Variants in NTRK3 observed in about 807,000 individuals in gnomAD.
NTRK3 encodes neurotrophic receptor tyrosine kinase 3, also known as NT-3 growth factor receptor.
In NTRK3, 24 loss-of-function variants were observed where a neutral mutation model predicts 91.7. That is an observed-to-expected ratio of 0.26 (90% CI 0.19 to 0.37). The LOEUF is 0.37. Among genes scored for constraint, NTRK3 ranks in the 10% least tolerant of loss-of-function variants. NTRK3 has a pLI of 1.00. For missense variants in NTRK3, 880 were observed against 1,068.9 expected (o/e 0.82, Z 2.46); for synonymous variants, 483 against 404.0 (o/e 1.20, Z -2.34).
intron 14 of NTRK3, among the ~76,000 whole-genome samples, chr15:88,010,120 G>C (rs1003699355): frequency 2.0e-5 from 3 of 152,110 alleles, no homozygotes; most frequent in African/African-American, 7.2e-5. Flanking sequence ...GCCCCCTCTA[G>C]ATCCCAGCAA....
intron 14 of NTRK3, among the ~76,000 whole-genome samples, chr15:87,954,777 A>C (rs2071495889): frequency 6.6e-6 from 1 of 152,204 alleles, no homozygotes; most frequent in Non-Finnish European, 1.5e-5. Context: ...TGCTGTCTAC[A>C]CTGTTTTCAT....
intron 18 of NTRK3, 37 bp downstream of exon 19, chr15:87,880,233 C>G (rs565935309): frequency 2.5e-6 from 4 of 1,613,360 alleles, no homozygotes; most frequent in Non-Finnish European, 3.4e-6. Flanking sequence ...CTTATGAGCC[C>G]TCCCCCAATC....
rs1032814800 is a variant in NTRK3 at position 88,112,058 on chromosome 15, C to T, written c.1396+14213G>A. Among the ~76,000 whole-genome samples the T allele has an allele frequency of 1.8e-4, 27 of 152,082 alleles. 1 individual carries two copies. Among genetic ancestry groups the T allele is most frequent in the Non-Finnish European group, 2.9e-4 (20 of 68,018 alleles). ...AGTAGCTGGGACTACAGGCACCCGC[C>T]ACCACGCCCAGCTAATTTTTTGTAT... is the stretch of plus-strand genomic sequence containing the variant. On this transcript the variant is annotated intron_variant, in intron 13 of 18. Transcript: ENST00000394480.
At chr15:88,038,720 A>T (rs2079300975) in intron 13 of NTRK3, among the ~76,000 whole-genome samples, 1 of 152,190 alleles carries the variant, frequency 6.6e-6, no homozygotes, top group Non-Finnish European at 1.5e-5. Flanking sequence ...TCTAAAAGAC[A>T]AAAATTTTAA....
At chr15:88,135,474 T>C (rs2041785275) in intron 9 of NTRK3, 77 bp from the exon 10 acceptor site, 1 of 1,511,120 alleles carries the variant, frequency 6.6e-7, no homozygotes, top group Non-Finnish European at 9.0e-7. Context: ...GCAACTAAAA[T>C]GGGAATCCCG....
intron 14 of NTRK3, among the ~76,000 whole-genome samples, chr15:88,003,726 C>A (rs984499566): frequency 6.6e-6 from 1 of 151,634 alleles, no homozygotes; most frequent in Non-Finnish European, 1.5e-5. Flanking sequence ...TATGGAGGAA[C>A]AAACACTTTC....
intron 14 of NTRK3, among the ~76,000 whole-genome samples, chr15:88,022,337 A>G (rs1177785755): frequency 6.6e-6 from 1 of 152,204 alleles, no homozygotes; most frequent in South Asian, 2.1e-4. Flanking sequence ...TTTACGCCCA[A>G]GCTGCCTTCT....
At chr15:88,223,215 G>A (rs764160019) in intron 3 of NTRK3, among the ~76,000 whole-genome samples, 7 of 152,238 alleles carry the variant, frequency 4.6e-5, no homozygotes, top group African/African-American at 9.6e-5. Context: ...CAAATCAGCC[G>A]AGTGGAATGT....
chr15:87,933,529 T>C (rs1022424153), intron 15 of NTRK3, among the ~76,000 whole-genome samples: 2 of 152,254 alleles, frequency 1.3e-5, no homozygotes, highest in Non-Finnish European at 2.9e-5. Context: ...AAGCCCCTGC[T>C]CCTAAGGTTT....
intron 16 of NTRK3, among the ~76,000 whole-genome samples, chr15:87,931,820 T>C (rs2068821248): frequency 2.0e-5 from 3 of 152,192 alleles, no homozygotes; most frequent in Admixed American, 6.5e-5. Flanking sequence ...CTATTGAATG[T>C]CCCACTTCAA....
chr15:88,166,174 T>A (rs1468565409), intron 5 of NTRK3, among the ~76,000 whole-genome samples: 1 of 152,136 alleles, frequency 6.6e-6, no homozygotes. Flanking sequence ...CTGCTCAGGA[T>A]CCTTTGGAAT....
At chr15:88,105,315 T>G (rs530174113) in intron 13 of NTRK3, among the ~76,000 whole-genome samples, 1 of 152,082 alleles carries the variant, frequency 6.6e-6, no homozygotes, top group Non-Finnish European at 1.5e-5. Flanking sequence ...ACTCTCCAGA[T>G]TTAGGGGAAC....
chr15:88,172,718 C>T (rs1175863178), intron 5 of NTRK3, among the ~76,000 whole-genome samples: 3 of 152,208 alleles, frequency 2.0e-5, no homozygotes, highest in African/African-American at 7.2e-5. Context: ...GCCATGTTAT[C>T]TGGCCCTGGG....
chr15:87,924,288 T>C (rs1262559079), intron 17 of NTRK3, among the ~76,000 whole-genome samples: 1 of 152,096 alleles, frequency 6.6e-6, no homozygotes, highest in Non-Finnish European at 1.5e-5. Context: ...CACCAAGACA[T>C]CCATAAAATC....
At chr15:88,086,249 T>C (rs1286865316) in intron 13 of NTRK3, among the ~76,000 whole-genome samples, 1 of 152,224 alleles carries the variant, frequency 6.6e-6, no homozygotes, top group African/African-American at 2.4e-5. Flanking sequence ...AAATTTTTCA[T>C]TGAGCACTTA....
rs199560418 is a variant in NTRK3, at chr15:88,144,585, TC to T, written c.464+2749del. Among the ~76,000 whole-genome samples the T allele has an allele frequency of 9.6e-3, 1,465 of 152,136 alleles. 15 individuals are homozygous for T. Among genetic ancestry groups the T allele is most frequent in the Non-Finnish European group, 0.012 (795 of 67,990 alleles). ...CAGCCTGGTCTTTGGAAACAGCAGA[TC>T]GGGGTAGTGATAATATTAAACATCA... On this transcript the variant is annotated intron_variant, in intron 6 of 18. Transcript: ENST00000394480.
intron 14 of NTRK3, among the ~76,000 whole-genome samples, chr15:87,984,692 T>G (rs534243710): frequency 6.6e-6 from 1 of 152,372 alleles, no homozygotes; most frequent in African/African-American, 2.4e-5. Flanking sequence ...ATTTGTTGCT[T>G]AGTTGCCAGC....
intron 13 of NTRK3, among the ~76,000 whole-genome samples, chr15:88,076,232 G>T (rs1284613758): frequency 6.6e-6 from 1 of 152,156 alleles, no homozygotes; most frequent in South Asian, 2.1e-4. Context: ...CAGGGGAACT[G>T]CCCTTTATAA....
At chr15:88,220,520 T>A (rs942768056) in intron 3 of NTRK3, among the ~76,000 whole-genome samples, 37 of 152,018 alleles carry the variant, frequency 2.4e-4, no homozygotes, top group African/African-American at 7.7e-4. Context: ...AAGCCTCGGA[T>A]CTGAAAAATA....
Sources: gnomAD v4.1 joint callset for allele counts (sites outside exome capture counted in the v4.1 genomes callset) on GRCh38, gnomAD v4.1.1 for gene constraint, MANE v1.5 for transcripts, NCBI Gene and HGNC (gene_info 2026-07-23, HGNC 2026-07-21) for gene names.